Variants in FRMD4B observed in about 807,000 individuals in gnomAD.
FRMD4B encodes the protein FERM domain containing 4B.
A neutral mutation model predicts 141.5 loss-of-function variants in FRMD4B; 74 were observed. The ratio of observed to expected loss-of-function variants is 0.52; its 90% confidence interval spans 0.43 to 0.63. The LOEUF is 0.63. FRMD4B is among the 30% of genes least tolerant of loss of function. The pLI is 0.00. For missense variants in FRMD4B, 1,366 were observed against 1,253.4 expected, an observed-to-expected ratio of 1.09 and a Z score of -1.36; for synonymous variants, 506 against 467.9, an observed-to-expected ratio of 1.08 and a Z score of -1.05.
intron 1 of FRMD4B, among the ~76,000 whole-genome samples, chr3:69,434,619 C>T (rs776579557): frequency 6.6e-6 from 1 of 152,174 alleles, no homozygotes; most frequent in Non-Finnish European, 1.5e-5. Context: ...TATTCTACAA[C>T]TATTAACATG....
In FRMD4B at chr3:69,180,458, T is replaced by G. The variant is rs140304953; in HGVS notation, c.2851+441A>C. ...TAATGTTTTCTGCTTACCTGAGGGT[T>G]TATTCTTTTAAAATATCAAGCCTCA... On this transcript the variant is annotated intron_variant, in intron 21 of 22. Coordinates refer to ENST00000398540, the MANE Select transcript of FRMD4B (RefSeq NM_015123.3). Among the ~76,000 whole-genome samples, 446 of 152,172 alleles carry G rather than the reference T, an allele frequency of 2.9e-3. 3 individuals are homozygous for G. The highest frequency in any genetic ancestry group is 0.01 in the African/African-American group (431 of 41,500).
upstream of FRMD4B, chr3:69,386,284 T>G: frequency 3.6e-6 from 1 of 279,088 alleles, no homozygotes; most frequent in Non-Finnish European, 6.6e-6. Context: ...CCCTCGATGC[T>G]CCCGGGGCAC....
At chr3:69,502,516 T>G (rs932346035) in intron 1 of FRMD4B, among the ~76,000 whole-genome samples, 1 of 152,156 alleles carries the variant, frequency 6.6e-6, no homozygotes, top group African/African-American at 2.4e-5. Flanking sequence ...TCTTACACCT[T>G]ATACAAAAAT....
At chr3:69,192,548 C>T (rs58110267) in intron 17 of FRMD4B, among the ~76,000 whole-genome samples, 11,331 of 152,124 alleles carry the variant, frequency 0.074, 1,188 homozygotes, top group East Asian at 0.28. Context: ...ACTTTAAATC[C>T]ACCTGGGATT....
At chr3:69,305,900 T>A (rs979236968) in intron 3 of FRMD4B, among the ~76,000 whole-genome samples, 2 of 152,230 alleles carry the variant, frequency 1.3e-5, no homozygotes, top group Non-Finnish European at 2.9e-5. Context: ...CTATTAAATA[T>A]TGATGAACAT....
chr3:69,227,572 G>A (rs1364409356), intron 7 of FRMD4B, among the ~76,000 whole-genome samples: 3 of 151,434 alleles, frequency 2.0e-5, no homozygotes, highest in African/African-American at 7.3e-5. Context: ...TGAGGCAGGA[G>A]AATCACTTGA....
chr3:69,418,941 C>T (rs1704923264), intron 2 of FRMD4B, among the ~76,000 whole-genome samples: 1 of 152,054 alleles, frequency 6.6e-6, no homozygotes. Context: ...AACTAATACT[C>T]TTGGTTTGCA....
chr3:69,504,872 GC>G (rs2107077599), intron 1 of FRMD4B, among the ~76,000 whole-genome samples: 1 of 152,310 alleles, frequency 6.6e-6, no homozygotes, highest in South Asian at 2.1e-4. Flanking sequence ...TTCAATTAAA[GC>G]TTTATTTCTC....
chr3:69,426,476 T>C (rs914513196), intron 2 of FRMD4B, among the ~76,000 whole-genome samples: 2 of 152,208 alleles, frequency 1.3e-5, no homozygotes, highest in East Asian at 3.9e-4. Context: ...CTATTGGTAA[T>C]GCCTGCCTGG....
At chr3:69,209,966 A>G (rs9809129) in intron 11 of FRMD4B, among the ~76,000 whole-genome samples, 96,753 of 152,060 alleles carry the variant, frequency 0.64, 32,737 homozygotes, top group Non-Finnish European at 0.74. Context: ...TAACCAAGTC[A>G]CTGTCTTTAA....
chr3:69,290,793 G>A (rs1224725332), intron 4 of FRMD4B, among the ~76,000 whole-genome samples: 5 of 152,134 alleles, frequency 3.3e-5, no homozygotes, highest in Admixed American at 6.6e-5. Context: ...CTGAGTTTTA[G>A]AGATCTGCCT....
chr3:69,210,255 C>A (rs1196092177), intron 11 of FRMD4B, among the ~76,000 whole-genome samples: 2 of 152,216 alleles, frequency 1.3e-5, no homozygotes, highest in African/African-American at 4.8e-5. Flanking sequence ...ATCTGACAGG[C>A]TCTGGTTTTC....
chr3:69,232,883 C>A (rs2093319418), intron 7 of FRMD4B, among the ~76,000 whole-genome samples: 2 of 149,542 alleles, frequency 1.3e-5, no homozygotes. Context: ...ATGCCCAAGC[C>A]CCAAAGTTGC....
At chr3:69,208,416 T>C (rs1363145447) in intron 11 of FRMD4B, among the ~76,000 whole-genome samples, 1 of 152,186 alleles carries the variant, frequency 6.6e-6, no homozygotes, top group Non-Finnish European at 1.5e-5. Flanking sequence ...GCCAGGCTGG[T>C]CTGGTACTCC....
chr3:69,458,141 A>G (rs1185419794), intron 1 of FRMD4B, among the ~76,000 whole-genome samples: 1 of 152,210 alleles, frequency 6.6e-6, no homozygotes, highest in African/African-American at 2.4e-5. Context: ...AGAGTTTGTA[A>G]GCAAATGGCA....
chr3:69,520,209 A>C lies in FRMD4B; in HGVS notation c.-129+21997T>G, dbSNP rs1411963625. Among the ~76,000 whole-genome samples the C allele has an allele frequency of 2.2e-4, 17 of 77,512 alleles. 2 individuals carry two copies. Among genetic ancestry groups the C allele is most frequent in the African/African-American group, 1.3e-3 (16 of 12,264 alleles). 50.9% of individuals were successfully genotyped at this position (77,512 alleles called of 152,430 possible). On this transcript the variant is annotated intron_variant, in intron 1 of 5. Coordinates refer to the FRMD4B transcript ENST00000459638. ...TGATGGAATATATATATGATGGAAT[A>C]TATATATATGATGGAATATATATAT...
intron 1 of FRMD4B, chr3:69,535,854 G>C: frequency 2.2e-6 from 1 of 458,764 alleles, no homozygotes; most frequent in Non-Finnish European, 4.4e-6. Flanking sequence ...CCTTGGTCTT[G>C]GCTACCACCT....
intron 7 of FRMD4B, among the ~76,000 whole-genome samples, chr3:69,237,255 C>T (rs567843642): frequency 6.6e-6 from 1 of 152,254 alleles, no homozygotes; most frequent in Non-Finnish European, 1.5e-5. Context: ...ACCCAGCTGG[C>T]TGTGCCAGCC....
At chr3:69,539,218 C>T (rs897925096) in intron 1 of FRMD4B, among the ~76,000 whole-genome samples, 3 of 152,138 alleles carry the variant, frequency 2.0e-5, no homozygotes, top group Admixed American at 6.5e-5. Context: ...TCCATGTACC[C>T]TATTTGTATT....
Sources: allele counts gnomAD v4.1 joint callset (sites outside exome capture counted in the v4.1 genomes callset), GRCh38; gene constraint gnomAD v4.1.1; transcripts MANE v1.5; gene names NCBI Gene and HGNC (gene_info 2026-07-23, HGNC 2026-07-21).